UNC5B: variants seen among roughly 807,000 people sequenced by gnomAD.
The protein encoded by UNC5B is unc-5 netrin receptor B, also known as netrin receptor UNC5B.
A neutral mutation model predicts 103.7 loss-of-function variants in UNC5B; 56 were observed. The ratio of observed to expected loss-of-function variants is 0.54; its 90% CI spans 0.44 to 0.67. The LOEUF (loss-of-function observed/expected upper bound fraction) is 0.67, where lower values mean the gene tolerates loss of function less well. Ranked by LOEUF, UNC5B falls within the 30% of genes least tolerant of loss-of-function variation. The pLI, the probability that UNC5B is intolerant of heterozygous loss-of-function variation, is 0.00. For synonymous variants in UNC5B, 577 were observed against 542.0 expected, an observed-to-expected ratio of 1.06 and a Z score of -0.90; for missense variants, 1,194 against 1,284.5, an observed-to-expected ratio of 0.93 and a Z score of 1.08.
chr10:71,287,628 G>C lies in UNC5B; in HGVS notation c.764G>C (p.Trp255Ser), dbSNP rs561682790. 2 of 1,608,622 alleles carry C rather than the reference G, an allele frequency of 1.2e-6. No homozygotes were observed. The highest frequency in any genetic ancestry group is 3.4e-5 in the Admixed American group (2 of 59,314). ...GGCGGCTGGTCCAGCTGGGCAGAGT[G>C]GTCACCCTGCTCCAACCGCTGTGGC... ...VNGGWSSWAE[W>S]SPCSNRCGRG... The change falls in exon 6 of 17, where the codon TGG becomes TCG. Residue 255 changes from tryptophan to serine, a missense_variant. Transcript: ENST00000335350.
chr10:71,295,758 G>A, intron 13 of UNC5B, 53 bp from the exon 14 acceptor site: 6 of 1,585,880 alleles, frequency 3.8e-6, no homozygotes, highest in Admixed American at 3.6e-5. Flanking sequence ...CCACAGAAGA[G>A]GCCCATTGGC....
At chr10:71,239,437 G>A (rs552119874) in intron 1 of UNC5B, among the ~76,000 whole-genome samples, 131 of 152,188 alleles carry the variant, frequency 8.6e-4, no homozygotes, top group African/African-American at 3.1e-3. Flanking sequence ...GATGAGGGTC[G>A]CCCGTCCTGA....
chr10:71,286,511 C>A (rs1199517858), intron 4 of UNC5B, among the ~76,000 whole-genome samples, 178 bp from the exon 5 acceptor site: 4 of 152,156 alleles, frequency 2.6e-5, no homozygotes, highest in African/African-American at 7.2e-5. Context: ...CCCAAGACCA[C>A]CCAGCTGGCA....
At chr10:71,287,848 C>G (rs1240637247) in intron 6 of UNC5B, 83 bp downstream of exon 6, 2 of 1,521,712 alleles carry the variant, frequency 1.3e-6, no homozygotes, top group Non-Finnish European at 1.8e-6. Flanking sequence ...GACAGCCATT[C>G]TCTCCCCAGC....
chr10:71,230,949 A>C (rs1843669730), intron 1 of UNC5B, among the ~76,000 whole-genome samples: 1 of 152,210 alleles, frequency 6.6e-6, no homozygotes, highest in Non-Finnish European at 1.5e-5. Flanking sequence ...GGGGGTAAAG[A>C]CAATGGGCTT....
At chr10:71,238,933 C>T (rs553909912) in intron 1 of UNC5B, among the ~76,000 whole-genome samples, 8 of 152,294 alleles carry the variant, frequency 5.3e-5, no homozygotes, top group African/African-American at 1.7e-4. Flanking sequence ...TGTGCACCAT[C>T]ATGCCTGGCT....
chr10:71,217,494 C>G (rs543075901), intron 1 of UNC5B: 87 of 152,284 alleles, frequency 5.7e-4, no homozygotes, highest in African/African-American at 1.9e-3. Context: ...TGGCCTCGGC[C>G]CCCGACTGGG....
rs532460617 is a variant in UNC5B, at chr10:71,300,622, A to T, written c.*1345A>T. Reference sequence around the variant, plus strand: ...GCGTGGTGCTCTCTTGATGGCCAGGAATCCAGAATCTGCCCTTCCCCAACC... The same window carrying T: ...GCGTGGTGCTCTCTTGATGGCCAGGTATCCAGAATCTGCCCTTCCCCAACC... On this transcript the variant is annotated 3_prime_UTR_variant, in exon 17 of 17. Coordinates refer to ENST00000335350, the MANE Select transcript of UNC5B (RefSeq NM_170744.5). 6.6e-6 allele frequency: 1 copy of T among 152,494 alleles called. No homozygotes were observed. Among genetic ancestry groups the T allele is most frequent in the African/African-American group, 2.4e-5 (1 of 41,590 alleles). The allele number at this position is 152,494 out of a possible 1,614,324, so 9.4% of individuals were successfully genotyped here. A position where few individuals can be genotyped will look rare whatever the true frequency, so the allele number is the denominator to read the frequency against.
In UNC5B at chr10:71,291,093, T is replaced by C. The variant is rs745636344; in HGVS notation, c.1278T>C (p.Phe426=). 4 of 1,613,786 alleles carry C rather than the reference T, an allele frequency of 2.5e-6. No individual in the cohort carries two copies. The South Asian group carries it at 3.3e-5, about 13-fold the overall frequency. Residue 426 remains phenylalanine (F), a synonymous_variant, in exon 9 of 17, where the codon TTT becomes TTC. Coordinates refer to ENST00000335350, the MANE Select transcript of UNC5B (RefSeq NM_170744.5). ...CTGGTGGTTTCCACCCCGTCAACTT[T>C]AAGACGGCAAGGCCCAGTAAGAACC... is the stretch of plus-strand genomic sequence containing the variant. ...ALTGGFHPVN[F]KTARPSNPQL...
Position 71,213,389 on chromosome 10 carries a change from C to T in UNC5B, c.79+325C>T, listed in dbSNP as rs73276313. ...CGCCTCCTGGGGACGCCCGGCTCTCCGCGCGCCTGGCATCCGCCCCGAAAA... is the reference window on the plus strand; with the variant it reads ...CGCCTCCTGGGGACGCCCGGCTCTCTGCGCGCCTGGCATCCGCCCCGAAAA... On this transcript the variant is annotated intron_variant, in intron 1 of 16. Transcript: ENST00000335350. This position sits in a 1 kb window ranked among gnomAD's most constrained non-coding sequence, Gnocchi z 4.1. Among the ~76,000 whole-genome samples, 22,628 of 152,060 alleles carry T rather than the reference C, an allele frequency of 0.15. 1,828 individuals are homozygous for T. Among genetic ancestry groups the T allele is most frequent in the African/African-American group, 0.2 (8,486 of 41,458 alleles).
rs890563953 is a variant in UNC5B at position 71,299,572 on chromosome 10, G to A, written c.*295G>A. The A allele has an allele frequency of 1.2e-4, 35 of 298,922 alleles. No homozygotes were observed. Among genetic ancestry groups the A allele is most frequent in the East Asian group, 3.8e-4 (6 of 15,956 alleles). The allele number at this position is 298,922 out of a possible 1,614,324, so 18.5% of individuals were successfully genotyped here. A position where few individuals can be genotyped will look rare whatever the true frequency, so the allele number is the denominator to read the frequency against. On this transcript the variant is annotated 3_prime_UTR_variant, in exon 17 of 17. Transcript: ENST00000335350. ...CCTCTGGAGGCAGTTGGTTGGGGGC[G>A]GGCAGGCAGGAGGCCCTCCCTCCAC...
At chr10:71,242,491 G>A (rs1446266569) in intron 1 of UNC5B, among the ~76,000 whole-genome samples, 1 of 152,172 alleles carries the variant, frequency 6.6e-6, no homozygotes, top group African/African-American at 2.4e-5. Flanking sequence ...AGTCAGGTCT[G>A]CCCCCCTCTC....
intron 1 of UNC5B, among the ~76,000 whole-genome samples, chr10:71,241,751 G>A (rs10999744): frequency 0.012 from 1,832 of 152,172 alleles, 59 homozygotes; most frequent in East Asian, 0.092. Flanking sequence ...CATTGCCCAA[G>A]TGGAGGCCCA....
chr10:71,275,976 T>C (rs540018215), intron 1 of UNC5B, among the ~76,000 whole-genome samples: 1 of 152,292 alleles, frequency 6.6e-6, no homozygotes. Context: ...CCGCTTGGAT[T>C]CCAAAGTTTG....
intron 1 of UNC5B, among the ~76,000 whole-genome samples, chr10:71,244,210 G>T (rs1843970230): frequency 6.6e-6 from 1 of 152,240 alleles, no homozygotes; most frequent in South Asian, 2.1e-4. Context: ...ATGATGCAGG[G>T]TGCCCCCAGG....
intron 1 of UNC5B, among the ~76,000 whole-genome samples, chr10:71,230,220 G>A (rs573166292): frequency 1.3e-5 from 2 of 152,254 alleles, no homozygotes; most frequent in Admixed American, 6.5e-5. Context: ...GTGATTAGGA[G>A]GAACCTGAGG....
intron 1 of UNC5B, among the ~76,000 whole-genome samples, chr10:71,242,630 G>T (rs780958084): frequency 1.4e-4 from 21 of 152,174 alleles, no homozygotes; most frequent in Non-Finnish European, 2.5e-4. Flanking sequence ...GCCATTGTCC[G>T]TGTGAGACCC....
intron 1 of UNC5B, among the ~76,000 whole-genome samples, chr10:71,266,217 G>T (rs958157321): frequency 4.6e-5 from 7 of 152,108 alleles, no homozygotes; most frequent in Non-Finnish European, 1.0e-4. Context: ...AGAGGCAGGG[G>T]GTGGTTCCCC....
At chr10:71,251,817 T>A (rs968093365) in intron 1 of UNC5B, among the ~76,000 whole-genome samples, 3 of 152,186 alleles carry the variant, frequency 2.0e-5, no homozygotes, top group African/African-American at 7.2e-5. Flanking sequence ...TTGAGGATAT[T>A]TATTTTTCTT....
Sources: allele counts gnomAD v4.1 joint callset (sites outside exome capture counted in the v4.1 genomes callset), GRCh38; gene constraint gnomAD v4.1.1; non-coding constraint Gnocchi (gnomAD v3.1); transcripts MANE v1.5; gene names NCBI Gene and HGNC (gene_info 2026-07-23, HGNC 2026-07-21).